The following MARCHF10 variants were observed in gnomAD, a reference collection of about 807,000 sequenced individuals.
MARCHF10 encodes the protein membrane associated ring-CH-type finger 10, also known as probable E3 ubiquitin-protein ligase MARCHF10.
In MARCHF10, 64 loss-of-function variants were observed where a neutral mutation model predicts 76.2. The observed-to-expected ratio is 0.84, with a 90% confidence interval of 0.69 to 1.03. The LOEUF (loss-of-function observed/expected upper bound fraction) is 1.03. Among genes scored for constraint, MARCHF10 ranks in the 50% least tolerant of loss-of-function variants. The probability of loss-of-function intolerance (pLI) is 0.00; values close to 1 mark genes in which losing one functional copy is unlikely to be tolerated. For synonymous variants in MARCHF10, 340 were observed against 357.5 expected, an observed-to-expected ratio of 0.95 and a Z score of 0.55; for missense variants, 875 against 958.0, an observed-to-expected ratio of 0.91 and a Z score of 1.14.
In MARCHF10 at chr17:62,799,875, T is replaced by C. The variant is rs558077112; in HGVS notation, c.90+1771A>G. ...TGGCTAACTTTGGTTTCATCCGGGC[T>C]GGTTCCTGCCTCAGGGCCTTTGCAC... On this transcript the variant is annotated intron_variant, in intron 2 of 10. Transcript: ENST00000311269. Among the ~76,000 whole-genome samples the C allele has an allele frequency of 7.9e-5, 12 of 152,360 alleles. No homozygotes were observed. The South Asian group carries it at 2.3e-3, about 29-fold the overall frequency.
At chr17:62,771,592 T>TTC (rs397856856) in intron 3 of MARCHF10, among the ~76,000 whole-genome samples, 3 of 150,742 alleles carry the variant, frequency 2.0e-5, no homozygotes, top group Admixed American at 6.6e-5. Flanking sequence ...TTTTTTTTTT[T>TTC]CTGAGACAGA....
chr17:62,722,277 CAAAAAAA>C (rs57370093), intron 8 of MARCHF10, among the ~76,000 whole-genome samples: 1 of 78,962 alleles, frequency 1.3e-5, no homozygotes, highest in Non-Finnish European at 2.5e-5. Flanking sequence ...GACTCTGTCT[CAAAAAAA>C]AAAAAAAAAA....
intron 3 of MARCHF10, among the ~76,000 whole-genome samples, chr17:62,764,017 T>C (rs977299278): frequency 7.2e-5 from 11 of 152,042 alleles, no homozygotes; most frequent in African/African-American, 2.7e-4. Flanking sequence ...GTAAGTAGCA[T>C]TGGGCAGTGA....
At chr17:62,729,708 G>C (rs2090930462) in intron 6 of MARCHF10, among the ~76,000 whole-genome samples, 1 of 151,650 alleles carries the variant, frequency 6.6e-6, no homozygotes, top group Non-Finnish European at 1.5e-5. Flanking sequence ...AGAGTAGCTG[G>C]GACTACAGAC....
chr17:62,715,529 C>T (rs1446336928), intron 8 of MARCHF10, among the ~76,000 whole-genome samples: 2 of 152,202 alleles, frequency 1.3e-5, no homozygotes, highest in Non-Finnish European at 2.9e-5. Context: ...ACCGCAAAAC[C>T]GAGTGCCCAA....
chr17:62,737,654 A>G (rs2091334399), intron 5 of MARCHF10: 1 of 293,346 alleles, frequency 3.4e-6, no homozygotes, highest in Non-Finnish European at 6.2e-6. Flanking sequence ...CACACTAAAT[A>G]CTGGCTTTTG....
intron 2 of MARCHF10, among the ~76,000 whole-genome samples, chr17:62,790,407 C>T (rs142639091): frequency 6.6e-6 from 1 of 152,162 alleles, no homozygotes; most frequent in African/African-American, 2.4e-5. Context: ...AACTCCTGAC[C>T]TCAGGTGATC....
chr17:62,714,739 C>T (rs920481076), intron 8 of MARCHF10, among the ~76,000 whole-genome samples: 6 of 152,072 alleles, frequency 3.9e-5, no homozygotes, highest in African/African-American at 1.2e-4. Context: ...GTCCCGTCCC[C>T]TCCCCTCCCC....
In MARCHF10 at chr17:62,711,429, GGT is replaced by G; in HGVS notation, c.2215-87_2215-86del. 7.6e-7 allele frequency: 1 copy of G among 1,307,926 alleles called. No individual in the cohort carries two copies. Among genetic ancestry groups the G allele is most frequent in the Non-Finnish European group, 1.1e-6 (1 of 924,002 alleles). The allele number at this position is 1,307,926 out of a possible 1,614,324, so 81.0% of individuals were successfully genotyped here. ...GGGATGCAGGGTAACAAGGCTAAGA[GGT>G]GACAAGAACTGGGAGAAGAGCCCAA... On this transcript the variant is annotated intron_variant, in intron 8 of 10. Coordinates refer to ENST00000311269, the MANE Select transcript of MARCHF10 (RefSeq NM_152598.4). This position sits in a 1 kb window ranked among gnomAD's most constrained non-coding sequence, Gnocchi z 4.4.
chr17:62,769,297 T>C (rs7208997), intron 3 of MARCHF10, among the ~76,000 whole-genome samples: 19,181 of 152,218 alleles, frequency 0.13, 3,064 homozygotes, highest in African/African-American at 0.38. Flanking sequence ...TGGCACTGAT[T>C]GAATAGCCTG....
rs369951851 is a variant in MARCHF10, at chr17:62,716,507, AG to A, written c.2215-5164del. Among the ~76,000 whole-genome samples the A allele has an allele frequency of 1.3e-4, 20 of 152,098 alleles. 1 individual carries two copies. Among genetic ancestry groups the A allele is most frequent in the African/African-American group, 4.6e-4 (19 of 41,524 alleles). ...ACCCAGCTACTTAGGAGGCTGAGGC[AG>A]GAGGATCCCTTGAACCCAGGAGGGA... On this transcript the variant is annotated intron_variant, in intron 8 of 10. Coordinates refer to ENST00000311269, the MANE Select transcript of MARCHF10 (RefSeq NM_152598.4).
Position 62,764,474 on chromosome 17 carries a change from G to A in MARCHF10, c.211-4468C>T, listed in dbSNP as rs116282561. Among the ~76,000 whole-genome samples, 944 of 152,322 alleles carry A rather than the reference G, an allele frequency of 6.2e-3. 9 individuals carry two copies. The highest frequency in any genetic ancestry group is 0.022 in the African/African-American group (901 of 41,556). Reference sequence around the variant, plus strand: ...AAAGGCAAAGAGTAGTGTCAAGCTGGCGCCAGACTGTGTTGAGTACATTTG... The same window carrying A: ...AAAGGCAAAGAGTAGTGTCAAGCTGACGCCAGACTGTGTTGAGTACATTTG... On this transcript the variant is annotated intron_variant, in intron 3 of 10. Coordinates refer to ENST00000311269, the MANE Select transcript of MARCHF10 (RefSeq NM_152598.4).
At chr17:62,747,028 G>T in intron 4 of MARCHF10, 1 of 1,340,088 alleles carries the variant, frequency 7.5e-7, no homozygotes, top group South Asian at 1.3e-5. Context: ...GGCCTTTAGT[G>T]TTTAAATATT....
chr17:62,737,261 A>G lies in MARCHF10; in HGVS notation c.607T>C (p.Leu203=), dbSNP rs2091314021. 1 of 1,613,666 alleles carries G rather than the reference A, an allele frequency of 6.2e-7. No individual in the cohort carries two copies. Among genetic ancestry groups the G allele is most frequent in the South Asian group, 1.1e-5 (1 of 91,002 alleles). The change falls in exon 6 of 11, where the codon TTG becomes CTG. Residue 203 remains leucine (L), a synonymous_variant. Transcript: ENST00000311269. ...GTCATTGGCTGTGACGATGGGACCAAGTTTCTTCTCTCTTGATTTGGCCTC... is the reference window on the plus strand; with the variant it reads ...GTCATTGGCTGTGACGATGGGACCAGGTTTCTTCTCTCTTGATTTGGCCTC... ...LKRPNQERRN[L]VPSSQPMTEN...
chr17:62,802,600 A>G (rs1327606083), intron 1 of MARCHF10, among the ~76,000 whole-genome samples: 1 of 152,182 alleles, frequency 6.6e-6, no homozygotes, highest in Non-Finnish European at 1.5e-5. Flanking sequence ...AAGCAGAACT[A>G]TGCGGCTCTT....
In MARCHF10 at chr17:62,725,006, C is replaced by G. The variant is rs1302619709; in HGVS notation, c.2036G>C (p.Cys679Ser). 6.2e-7 allele frequency: 1 copy of G among 1,611,476 alleles called. No individual in the cohort carries two copies. Among genetic ancestry groups the G allele is most frequent in the African/African-American group, 1.3e-5 (1 of 74,990 alleles). Residue 679 changes from cysteine (C) to serine (S), a missense_variant, in exon 7 of 11, where the codon TGT becomes TCT. Cys to Ser is a moderately radical substitution (Grantham distance 112, BLOSUM62 -1). Coordinates refer to ENST00000311269, the MANE Select transcript of MARCHF10 (RefSeq NM_152598.4). The part of the protein sequence containing the change: ...PSNPLLEPCG[C>S]VGSLQFVHQE... The stretch of plus-strand genomic sequence containing the variant: ...ATGAACAAACTGCAGGCTTCCCACA[C>G]AGCCGCAAGGCTCCAGGAGGGGGTT...
intron 2 of MARCHF10, among the ~76,000 whole-genome samples, chr17:62,799,529 C>T (rs1260754924): frequency 1.3e-5 from 2 of 152,158 alleles, no homozygotes; most frequent in African/African-American, 4.8e-5. Flanking sequence ...GGGCAGATCA[C>T]CTGAGGTCGG....
intron 10 of MARCHF10, among the ~76,000 whole-genome samples, chr17:62,702,379 G>T (rs1171594380): frequency 6.8e-6 from 1 of 147,258 alleles, no homozygotes; most frequent in Non-Finnish European, 1.5e-5. Flanking sequence ...GCCAGGCGTG[G>T]TGGCTCACGC....
At position 62,744,424 on chromosome 17, in the gene MARCHF10, T is replaced by C; in HGVS notation, c.487A>G (p.Arg163Gly). The change falls in exon 5 of 11, where the codon AGA (arginine) becomes GGA (glycine). Residue 163 changes from arginine (R) to glycine (G), a missense_variant. Physicochemically the swap from Arg to Gly is moderately radical, Grantham distance 125. Coordinates refer to ENST00000311269, the MANE Select transcript of MARCHF10 (RefSeq NM_152598.4). ...HSPRASGDRS[R>G]QKQQWPAKVP... The stretch of plus-strand genomic sequence containing the variant: ...TTTGCAGGCCACTGCTGTTTCTGTC[T>C]GCTTCTGTCCCCAGATGCTCTCGGG... 1 of 1,614,230 alleles carries C rather than the reference T, an allele frequency of 6.2e-7. No homozygotes were observed. Among genetic ancestry groups the C allele is most frequent in the Non-Finnish European group, 8.5e-7 (1 of 1,180,044 alleles).
Sources: gnomAD v4.1 joint callset for allele counts (sites outside exome capture counted in the v4.1 genomes callset) on GRCh38, gnomAD v4.1.1 for gene constraint, Gnocchi (gnomAD v3.1) non-coding constraint, MANE v1.5 for transcripts, NCBI Gene and HGNC (gene_info 2026-07-23, HGNC 2026-07-21) for gene names.